Variants in SPPL3 observed in about 807,000 individuals in gnomAD.
The protein encoded by SPPL3 is signal peptide peptidase like 3.
Under a neutral mutation model 42.4 loss-of-function variants are expected in SPPL3, and 5 were observed. The ratio of observed to expected loss-of-function variants is 0.12; its 90% CI spans 0.06 to 0.25. The LOEUF (loss-of-function observed/expected upper bound fraction) is 0.25. Among genes scored for constraint, SPPL3 ranks in the 10% least tolerant of loss-of-function variants. The probability of loss-of-function intolerance (pLI) is 1.00; values close to 1 mark genes in which losing one functional copy is unlikely to be tolerated. For missense variants in SPPL3, 235 were observed against 489.0 expected, an observed-to-expected ratio of 0.48 and a Z score of 4.90; for synonymous variants, 195 against 181.8, an observed-to-expected ratio of 1.07 and a Z score of -0.58.
At chr12:120,834,835 C>T (rs566896219) in intron 1 of SPPL3, among the ~76,000 whole-genome samples, 1 of 152,122 alleles carries the variant, frequency 6.6e-6, no homozygotes, top group South Asian at 2.1e-4. Context: ...CAAAACTATA[C>T]AATAATTAAT....
chr12:120,766,916 G>A (rs1475846108), intron 9 of SPPL3, among the ~76,000 whole-genome samples: 5 of 152,200 alleles, frequency 3.3e-5, no homozygotes, highest in Admixed American at 1.3e-4. Flanking sequence ...GTCACTGTGC[G>A]GGAGCAGTTG....
chr12:120,855,708 A>G (rs1216107061), intron 1 of SPPL3, among the ~76,000 whole-genome samples: 1 of 145,296 alleles, frequency 6.9e-6, no homozygotes, highest in Non-Finnish European at 1.5e-5. Flanking sequence ...AAAAAAAAAG[A>G]AAAGAAAAGA....
chr12:120,849,200 CAAT>C (rs1486448770), intron 1 of SPPL3, among the ~76,000 whole-genome samples: 5 of 151,948 alleles, frequency 3.3e-5, no homozygotes, highest in African/African-American at 9.7e-5. Context: ...CAAAAGAAAA[CAAT>C]AATAATAAAA....
chr12:120,903,732 G>GCC lies in SPPL3; in HGVS notation c.23+111_23+112dup, dbSNP rs71076684. 4.1e-3 allele frequency: 1,586 copies of GCC among 385,026 alleles called. 12 individuals carry two copies. Among genetic ancestry groups the GCC allele is most frequent in the South Asian group, 0.011 (340 of 29,668 alleles). The allele number at this position is 385,026 out of a possible 1,614,324, so 23.9% of individuals were successfully genotyped here. A position where few individuals can be genotyped will look rare whatever the true frequency, so the allele number is the denominator to read the frequency against. On this transcript the variant is annotated intron_variant, in intron 1 of 10. Coordinates refer to ENST00000353487, the MANE Select transcript of SPPL3 (RefSeq NM_139015.5). ...GAGGGGGGCGTGCACCCCAACCCGC[G>GCC]CCCCCCCCCCACGACACGCACCTGT...
intron 1 of SPPL3, among the ~76,000 whole-genome samples, chr12:120,872,626 A>G (rs1466987297): frequency 6.6e-6 from 1 of 152,164 alleles, no homozygotes; most frequent in Non-Finnish European, 1.5e-5. Flanking sequence ...GGTTCCTTTC[A>G]GTCTCGGATC....
chr12:120,772,770 AT>A (rs1202551260), intron 6 of SPPL3, among the ~76,000 whole-genome samples: 1 of 152,160 alleles, frequency 6.6e-6, no homozygotes, highest in African/African-American at 2.4e-5. Flanking sequence ...AAGCTGCCTC[AT>A]CCCTACAACT....
At chr12:120,805,722 G>A (rs1197575166) in intron 2 of SPPL3, among the ~76,000 whole-genome samples, 1 of 151,862 alleles carries the variant, frequency 6.6e-6, no homozygotes, top group Non-Finnish European at 1.5e-5. Context: ...ACTTAGCAAT[G>A]AACAATCCAA....
intron 1 of SPPL3, among the ~76,000 whole-genome samples, chr12:120,859,414 CTG>C (rs1872559739): frequency 6.6e-6 from 1 of 152,124 alleles, no homozygotes; most frequent in Admixed American, 6.5e-5. Context: ...ACAAAGATGA[CTG>C]AATCTATGTA....
At chr12:120,806,629 A>G (rs1176879551) in intron 2 of SPPL3, among the ~76,000 whole-genome samples, 2 of 152,110 alleles carry the variant, frequency 1.3e-5, no homozygotes, top group Non-Finnish European at 2.9e-5. Context: ...TGGGTGGATC[A>G]CGAGGTCAGG....
chr12:120,839,095 C>G (rs1017590063), intron 1 of SPPL3, among the ~76,000 whole-genome samples: 6 of 151,954 alleles, frequency 3.9e-5, no homozygotes, highest in Non-Finnish European at 7.4e-5. Context: ...ATAGCAAAGA[C>G]TTGGAACCAA....
At chr12:120,871,531 T>A (rs1872931576) in intron 1 of SPPL3, among the ~76,000 whole-genome samples, 1 of 152,038 alleles carries the variant, frequency 6.6e-6, no homozygotes, top group African/African-American at 2.4e-5. Flanking sequence ...GATGAGTGGA[T>A]CATTTGAGGT....
At position 120,764,795 on chromosome 12, in the gene SPPL3, C is replaced by T. The variant is rs965984677; in HGVS notation, c.*204G>A. 1.8e-6 allele frequency: 1 copy of T among 560,266 alleles called. No homozygotes were observed. Among genetic ancestry groups the T allele is most frequent in the African/African-American group, 1.9e-5 (1 of 52,308 alleles). 34.7% of individuals were successfully genotyped at this position (560,266 alleles called of 1,614,324 possible). The stretch of plus-strand genomic sequence containing the variant: ...CCTCTTGGAAGGGGCCCCACCTCTA[C>T]ATCCGCAGGAAGAGAAGGAACCAAA... On this transcript the variant is annotated 3_prime_UTR_variant, in exon 11 of 11. Transcript: ENST00000353487.
chr12:120,795,471 T>G (rs1870066865), intron 2 of SPPL3, among the ~76,000 whole-genome samples: 2 of 152,250 alleles, frequency 1.3e-5, no homozygotes, highest in Non-Finnish European at 2.9e-5. Flanking sequence ...TTACTTTGCC[T>G]TCATTTTTAA....
At chr12:120,766,501 GC>G in intron 9 of SPPL3, 129 bp from the exon 10 acceptor site, 1 of 646,194 alleles carries the variant, frequency 1.5e-6, no homozygotes, top group Non-Finnish European at 2.5e-6. Flanking sequence ...GGTGTGAAAT[GC>G]CCAGCTTGGG....
At position 120,882,319 on chromosome 12, in the gene SPPL3, T is replaced by C. The variant is rs191048253; in HGVS notation, c.23+21526A>G. On this transcript the variant is annotated intron_variant, in intron 1 of 10. Transcript: ENST00000353487. ...GTATACAGTGTCAATCTGGGAAGAT[T>C]AAAAAGTTCTGGAAATGGATGGTGG... Among the ~76,000 whole-genome samples the C allele has an allele frequency of 1.7e-4, 26 of 152,150 alleles. 1 individual carries two copies. Among genetic ancestry groups the C allele is most frequent in the African/African-American group, 5.5e-4 (23 of 41,442 alleles).
At chr12:120,782,547 G>C in intron 6 of SPPL3, 108 bp downstream of exon 6, 1 of 843,452 alleles carries the variant, frequency 1.2e-6, no homozygotes, top group Admixed American at 2.6e-5. Context: ...GTGTGAAAAT[G>C]CTCTAAAAGT....
At chr12:120,849,614 G>A (rs1278099463) in intron 1 of SPPL3, among the ~76,000 whole-genome samples, 2 of 152,146 alleles carry the variant, frequency 1.3e-5, no homozygotes, top group South Asian at 2.1e-4. Context: ...ATTTTTGCAC[G>A]TGGCATCTGA....
intron 1 of SPPL3, among the ~76,000 whole-genome samples, chr12:120,867,768 C>CA (rs1177853149): frequency 2.0e-5 from 3 of 151,328 alleles, no homozygotes; most frequent in African/African-American, 4.9e-5. Context: ...TTTTTTGAGA[C>CA]AGAGTCTCGC....
At chr12:120,809,871 T>G (rs534858057) in intron 2 of SPPL3, among the ~76,000 whole-genome samples, 3 of 152,234 alleles carry the variant, frequency 2.0e-5, no homozygotes, top group Admixed American at 2.0e-4. Flanking sequence ...CAATTTTGTA[T>G]GGCTCAACCT....
Sources: allele counts gnomAD v4.1 joint callset (sites outside exome capture counted in the v4.1 genomes callset), GRCh38; gene constraint gnomAD v4.1.1; transcripts MANE v1.5; gene names NCBI Gene and HGNC (gene_info 2026-07-23, HGNC 2026-07-21).